LINGO2: variants seen among roughly 807,000 people sequenced by gnomAD.
The protein encoded by LINGO2 is leucine rich repeat and Ig domain containing 2.
Under a neutral mutation model 30.6 loss-of-function variants are expected in LINGO2, and 14 were observed. The ratio of observed to expected loss-of-function variants is 0.46; its 90% confidence interval spans 0.30 to 0.72. The LOEUF (loss-of-function observed/expected upper bound fraction) is 0.72. Among genes scored for constraint, LINGO2 ranks in the 30% least tolerant of loss-of-function variants. The pLI, the probability that LINGO2 is intolerant of heterozygous loss-of-function variation, is 0.07. For synonymous variants in LINGO2, 317 were observed against 288.5 expected, an observed-to-expected ratio of 1.10 and a Z score of -1.00; for missense variants, 729 against 751.7, an observed-to-expected ratio of 0.97 and a Z score of 0.35.
At chr9:28,976,033 G>A in the LINGO2 span, among the ~76,000 whole-genome samples, 2 of 152,072 alleles carry the variant, frequency 1.3e-5, no homozygotes, top group Non-Finnish European at 2.9e-5. Flanking sequence ...ATTCTTCTTA[G>A]AATTGTTGTC....
At chr9:28,439,495 A>G (rs937573623) in intron 2 of LINGO2, among the ~76,000 whole-genome samples, 1 of 151,902 alleles carries the variant, frequency 6.6e-6, no homozygotes, top group Non-Finnish European at 1.5e-5. Context: ...CCAGTGTTGG[A>G]GGAGGGGGCT....
At chr9:29,174,715 T>C in the LINGO2 span, among the ~76,000 whole-genome samples, 569 of 152,304 alleles carry the variant, frequency 3.7e-3, 5 homozygotes, top group South Asian at 0.027. Flanking sequence ...TATGTGGAAA[T>C]AAAGTTCACA....
At chr9:28,859,967 A>C in the LINGO2 span, among the ~76,000 whole-genome samples, 1 of 152,038 alleles carries the variant, frequency 6.6e-6, no homozygotes, top group African/African-American at 2.4e-5. Flanking sequence ...TGACTAGGTT[A>C]CAATTATTTC....
intron 4 of LINGO2, among the ~76,000 whole-genome samples, chr9:28,150,655 T>G: frequency 6.6e-6 from 1 of 152,246 alleles, no homozygotes; most frequent in East Asian, 1.9e-4. Context: ...TTGCCACTCT[T>G]CAATCAGTTC....
At chr9:29,152,792 TAA>T in the LINGO2 span, among the ~76,000 whole-genome samples, 2 of 152,174 alleles carry the variant, frequency 1.3e-5, no homozygotes, top group South Asian at 4.1e-4. Context: ...GAATGAAAAT[TAA>T]AAGTTGAACA....
chr9:28,721,826 A>G, the LINGO2 span, among the ~76,000 whole-genome samples: 7 of 152,230 alleles, frequency 4.6e-5, no homozygotes, highest in East Asian at 1.4e-3. Flanking sequence ...TAAAATAAAA[A>G]AAAAAAATTA....
At chr9:28,337,105 T>C (rs912254743) in intron 3 of LINGO2, among the ~76,000 whole-genome samples, 4 of 149,484 alleles carry the variant, frequency 2.7e-5, no homozygotes, top group African/African-American at 9.7e-5. Context: ...ATATTATATA[T>C]ATAGAATATG....
chr9:28,072,083 T>C (rs1825495573), intron 4 of LINGO2, among the ~76,000 whole-genome samples: 1 of 152,164 alleles, frequency 6.6e-6, no homozygotes, highest in Non-Finnish European at 1.5e-5. Flanking sequence ...CTTTTTTCTA[T>C]TCACTTAACA....
chr9:29,163,274 C>T, the LINGO2 span, among the ~76,000 whole-genome samples: 1 of 152,118 alleles, frequency 6.6e-6, no homozygotes, highest in South Asian at 2.1e-4. Flanking sequence ...TATTTTTCAA[C>T]TGTTCTAAAA....
At chr9:28,499,463 C>G (rs559736371) in intron 1 of LINGO2, among the ~76,000 whole-genome samples, 1 of 152,234 alleles carries the variant, frequency 6.6e-6, no homozygotes, top group East Asian at 1.9e-4. Flanking sequence ...ATATCTTGTT[C>G]TGTTGTAATT....
At chr9:28,602,072 G>T (rs1367452151) in intron 1 of LINGO2, among the ~76,000 whole-genome samples, 1 of 152,066 alleles carries the variant, frequency 6.6e-6, no homozygotes, top group Non-Finnish European at 1.5e-5. Context: ...GCAAGGGAGT[G>T]GGGAGGCACA....
At chr9:28,582,817 C>A (rs1824324918) in intron 1 of LINGO2, among the ~76,000 whole-genome samples, 1 of 152,014 alleles carries the variant, frequency 6.6e-6, no homozygotes, top group Admixed American at 6.6e-5. Flanking sequence ...CATTTGCGAA[C>A]CTTTTTATGG....
At chr9:29,136,688 G>A in the LINGO2 span, among the ~76,000 whole-genome samples, 3 of 152,202 alleles carry the variant, frequency 2.0e-5, no homozygotes, top group South Asian at 6.2e-4. Context: ...TTTCCCAGGT[G>A]TCAGTCAACA....
intron 1 of LINGO2, among the ~76,000 whole-genome samples, chr9:28,484,492 T>C (rs1209056207): frequency 6.6e-6 from 1 of 152,090 alleles, no homozygotes; most frequent in African/African-American, 2.4e-5. Flanking sequence ...AGAACATCTT[T>C]CAGACTCAAC....
the LINGO2 span, among the ~76,000 whole-genome samples, chr9:28,928,729 TTTTG>T: frequency 5.9e-5 from 9 of 152,166 alleles, no homozygotes; most frequent in Admixed American, 2.0e-4. Context: ...TAATTCTTTT[TTTTG>T]TTTGTTTGTT....
chr9:28,044,080 G>A (rs2133007188), intron 4 of LINGO2, among the ~76,000 whole-genome samples: 1 of 152,336 alleles, frequency 6.6e-6, no homozygotes, highest in Middle Eastern at 3.4e-3. Flanking sequence ...CTTCAGGCAA[G>A]TTAAATGTCT....
rs1363619276 is a variant in LINGO2 at position 28,346,414 on chromosome 9, A to G, written c.-246+26422T>C. ...GCTGCATAGTAGTCCATGGTGTACCACGTTTTCTTTATCCAGTCTATTATT... is the reference window on the plus strand; with the variant it reads ...GCTGCATAGTAGTCCATGGTGTACCGCGTTTTCTTTATCCAGTCTATTATT... On this transcript the variant is annotated intron_variant, in intron 3 of 5. Transcript: ENST00000379992. Among the ~76,000 whole-genome samples the G allele has an allele frequency of 2.0e-5, 3 of 152,122 alleles. No homozygotes were observed. In the East Asian group the frequency reaches 5.8e-4, roughly 29 times the overall value.
the LINGO2 span, among the ~76,000 whole-genome samples, chr9:28,876,246 ATTT>A: frequency 6.6e-6 from 1 of 151,596 alleles, no homozygotes; most frequent in Non-Finnish European, 1.5e-5. Flanking sequence ...TATTATTATT[ATTT>A]TTATTTTATT....
the LINGO2 span, among the ~76,000 whole-genome samples, chr9:29,115,871 A>C: frequency 6.6e-6 from 1 of 152,096 alleles, no homozygotes; most frequent in African/African-American, 2.4e-5. Context: ...AATAATATCT[A>C]GAAAAGTCCA....
Sources: gnomAD v4.1 joint callset for allele counts (sites outside exome capture counted in the v4.1 genomes callset) on GRCh38, gnomAD v4.1.1 for gene constraint, MANE v1.5 for transcripts, NCBI Gene and HGNC (gene_info 2026-07-23, HGNC 2026-07-21) for gene names.